Variants in DZANK1 observed in about 807,000 individuals in gnomAD.
DZANK1 encodes double zinc ribbon and ankyrin repeat domains 1, also known as double zinc ribbon and ankyrin repeat-containing protein 1.
DZANK1 carries 91 observed loss-of-function variants against 94.5 expected under a neutral mutation model. That is an observed-to-expected ratio of 0.96 (90% CI 0.81 to 1.15). The LOEUF is 1.15. Ranked by LOEUF, DZANK1 falls within the 50% of genes most tolerant of loss-of-function variation. The pLI is 0.00. For synonymous variants in DZANK1, 312 were observed against 325.3 expected (o/e 0.96, Z 0.44); for missense variants, 903 against 916.4 (o/e 0.99, Z 0.19).
chr20:18,444,903 C>A (rs2058825257), intron 7 of DZANK1, among the ~76,000 whole-genome samples: 1 of 152,118 alleles, frequency 6.6e-6, no homozygotes, highest in South Asian at 2.1e-4. Flanking sequence ...CGGGTCCATG[C>A]CATTCTCCTG....
intron 12 of DZANK1, 26 bp downstream of exon 12, chr20:18,414,322 A>G (rs180838578): frequency 6.2e-7 from 1 of 1,612,262 alleles, no homozygotes; most frequent in African/African-American, 1.3e-5. Context: ...CCTGGGTACC[A>G]GTTCTTACTA....
At chr20:18,460,481 G>T (rs1212376599) in intron 2 of DZANK1, among the ~76,000 whole-genome samples, 175 bp from the exon 3 acceptor site, 2 of 152,210 alleles carry the variant, frequency 1.3e-5, no homozygotes, top group Non-Finnish European at 2.9e-5. Context: ...TGTAATCCCA[G>T]CACTTTGGGA....
intron 13 of DZANK1, among the ~76,000 whole-genome samples, chr20:18,405,248 T>C (rs1181259323): frequency 1.3e-5 from 2 of 151,796 alleles, no homozygotes; most frequent in African/African-American, 2.4e-5. Context: ...AATAAGAGAA[T>C]ATAAATAAAC....
chr20:18,428,150 C>CAAA (rs771686647), intron 9 of DZANK1, among the ~76,000 whole-genome samples: 3 of 103,404 alleles, frequency 2.9e-5, no homozygotes, highest in Admixed American at 1.0e-4. Context: ...GACTCCGTCT[C>CAAA]AAAAAAAAAA....
chr20:18,460,753 A>C (rs2059447697), intron 2 of DZANK1, among the ~76,000 whole-genome samples: 1 of 152,160 alleles, frequency 6.6e-6, no homozygotes, highest in Non-Finnish European at 1.5e-5. Context: ...GTTGTGATTT[A>C]AGATTGTGTT....
chr20:18,416,327 G>A (rs906035364), intron 10 of DZANK1, among the ~76,000 whole-genome samples: 4 of 152,146 alleles, frequency 2.6e-5, no homozygotes, highest in Admixed American at 2.6e-4. Context: ...GGAATGCTTA[G>A]CACAGGGCCA....
intron 19 of DZANK1, among the ~76,000 whole-genome samples, chr20:18,386,004 G>A (rs1341238081): frequency 6.6e-6 from 1 of 152,164 alleles, no homozygotes. Context: ...TGGCAGGAGT[G>A]AAGGAGGGCA....
At chr20:18,427,263 T>G in intron 9 of DZANK1, 104 bp from the exon 10 acceptor site, 1 of 746,280 alleles carries the variant, frequency 1.3e-6, no homozygotes, top group South Asian at 2.0e-5. Context: ...CAGGCCCTAT[T>G]ACTGCACCCA....
At chr20:18,429,406 T>A (rs867648556) in intron 9 of DZANK1, among the ~76,000 whole-genome samples, 11 of 152,226 alleles carry the variant, frequency 7.2e-5, no homozygotes, top group Non-Finnish European at 1.0e-4. Context: ...CCTGTTTTTT[T>A]AAATTTTAAT....
In DZANK1 at chr20:18,426,378, C is replaced by A. The variant is rs571366832; in HGVS notation, c.954+689G>T. Among the ~76,000 whole-genome samples, 3 of 151,654 alleles carry A rather than the reference C, an allele frequency of 2.0e-5. No homozygotes were observed. The East Asian group carries it at 5.8e-4, about 29-fold the overall frequency. Reference sequence around the variant, plus strand: ...AAAGGTTGGGGACCGCTGCTGTAGACCATAATAACCACATTGTCCAGTTTC... The same window carrying A: ...AAAGGTTGGGGACCGCTGCTGTAGAACATAATAACCACATTGTCCAGTTTC... On this transcript the variant is annotated intron_variant, in intron 10 of 20. Coordinates refer to ENST00000262547, the Ensembl canonical transcript of DZANK1.
chr20:18,399,808 T>C (rs1247279426), intron 13 of DZANK1, among the ~76,000 whole-genome samples: 2 of 152,160 alleles, frequency 1.3e-5, no homozygotes, highest in Non-Finnish European at 2.9e-5. Flanking sequence ...AGCTGGCTGC[T>C]TTGGACAGGG....
intron 7 of DZANK1, among the ~76,000 whole-genome samples, chr20:18,445,318 A>AG (rs1232266288): frequency 6.6e-6 from 1 of 152,242 alleles, no homozygotes; most frequent in Non-Finnish European, 1.5e-5. Flanking sequence ...ACTTAATAGC[A>AG]GAGTATCAAA....
intron 3 of DZANK1, among the ~76,000 whole-genome samples, chr20:18,457,927 C>T (rs967120773): frequency 6.6e-6 from 1 of 152,158 alleles, no homozygotes; most frequent in Non-Finnish European, 1.5e-5. Flanking sequence ...CCACGCTTGG[C>T]GAATTTATTT....
chr20:18,453,579 C>T (rs531770103), intron 5 of DZANK1, among the ~76,000 whole-genome samples, 152 bp downstream of exon 5: 23 of 152,242 alleles, frequency 1.5e-4, no homozygotes, highest in East Asian at 1.2e-3. Flanking sequence ...TAAGCAAGGA[C>T]GTCATTAAAA....
intron 9 of DZANK1, chr20:18,433,247 T>C (rs145001478): frequency 0.013 from 2,865 of 217,698 alleles, 35 homozygotes; most frequent in Non-Finnish European, 0.019. Flanking sequence ...AGCTTATCAA[T>C]TGTTACCCCA....
chr20:18,407,075 C>T (rs910269638), intron 13 of DZANK1, among the ~76,000 whole-genome samples: 8 of 152,158 alleles, frequency 5.3e-5, no homozygotes, highest in Admixed American at 3.3e-4. Flanking sequence ...TTACTCTAAC[C>T]CTTGGCTCCC....
At chr20:18,426,707 G>A (rs1334300218) in intron 10 of DZANK1, among the ~76,000 whole-genome samples, 1 of 152,134 alleles carries the variant, frequency 6.6e-6, no homozygotes. Context: ...CAGAGTCAAC[G>A]AAGACAATGG....
At chr20:18,430,010 G>A (rs1302935571) in intron 9 of DZANK1, among the ~76,000 whole-genome samples, 1 of 152,178 alleles carries the variant, frequency 6.6e-6, no homozygotes, top group Non-Finnish European at 1.5e-5. Context: ...CACAGCCTTT[G>A]CAACATACTG....
chr20:18,394,574 C>T, intron 15 of DZANK1: 1 of 683,986 alleles, frequency 1.5e-6, no homozygotes, highest in Admixed American at 1.9e-5. Flanking sequence ...CTCCTCCTCT[C>T]CCTCCCTGAA....
Sources: gnomAD v4.1 joint callset for allele counts (sites outside exome capture counted in the v4.1 genomes callset) on GRCh38, gnomAD v4.1.1 for gene constraint, MANE v1.5 for transcripts, NCBI Gene and HGNC (gene_info 2026-07-23, HGNC 2026-07-21) for gene names.